The following CYP4X1 variants were observed in gnomAD, a reference collection of about 807,000 sequenced individuals.
The protein encoded by CYP4X1 is cytochrome P450 4X1.
CYP4X1 carries 44 observed loss-of-function variants against 57.9 expected under a neutral mutation model. That is an observed-to-expected ratio of 0.76 (90% confidence interval 0.60 to 0.98). CYP4X1 has a LOEUF of 0.98. CYP4X1 is among the 50% of genes least tolerant of loss of function. CYP4X1 has a pLI of 0.00. For synonymous variants in CYP4X1, 227 were observed against 228.6 expected (o/e 0.99, Z 0.06); for missense variants, 532 against 623.9 (o/e 0.85, Z 1.57).
the CYP4X1 span, among the ~76,000 whole-genome samples, chr1:46,993,414 G>A: frequency 1.3e-5 from 2 of 152,116 alleles, no homozygotes; most frequent in African/African-American, 4.8e-5. Context: ...TGTCTTTATA[G>A]CAGCATGATT....
At chr1:46,963,996 A>C in the CYP4X1 span, among the ~76,000 whole-genome samples, 8 of 152,014 alleles carry the variant, frequency 5.3e-5, no homozygotes, top group Non-Finnish European at 1.2e-4. Context: ...CATTCATTTG[A>C]TCTTCCATCA....
the CYP4X1 span, among the ~76,000 whole-genome samples, chr1:46,967,406 A>G: frequency 6.6e-6 from 1 of 152,244 alleles, no homozygotes; most frequent in East Asian, 1.9e-4. Context: ...GGAATAAGAA[A>G]GAAATGGGGG....
At chr1:46,969,199 G>C in the CYP4X1 span, among the ~76,000 whole-genome samples, 1 of 152,182 alleles carries the variant, frequency 6.6e-6, no homozygotes, top group Non-Finnish European at 1.5e-5. Flanking sequence ...CCGCTCTCTT[G>C]CTCCTGTTCC....
chr1:47,028,800 T>C (rs1442761519), intron 1 of CYP4X1, among the ~76,000 whole-genome samples: 3 of 152,218 alleles, frequency 2.0e-5, no homozygotes, highest in African/African-American at 7.2e-5. Context: ...TACCACCTGG[T>C]ACGTGTGATA....
chr1:46,998,007 G>A, the CYP4X1 span, among the ~76,000 whole-genome samples: 2 of 151,454 alleles, frequency 1.3e-5, no homozygotes, highest in African/African-American at 4.8e-5. Context: ...TTTTGAGAAG[G>A]GTCTGTTCAT....
At chr1:46,972,100 G>C in the CYP4X1 span, among the ~76,000 whole-genome samples, 1 of 152,134 alleles carries the variant, frequency 6.6e-6, no homozygotes, top group Non-Finnish European at 1.5e-5. Flanking sequence ...AATCCACCTT[G>C]AGTTGAGTTT....
the CYP4X1 span, among the ~76,000 whole-genome samples, chr1:47,007,944 T>C: frequency 6.6e-6 from 1 of 152,348 alleles, no homozygotes; most frequent in East Asian, 1.9e-4. Context: ...AATCTATGTA[T>C]GATTGGTGTA....
upstream of CYP4X1, chr1:47,023,640 C>A (rs1644022769): frequency 5.2e-6 from 7 of 1,336,880 alleles, no homozygotes; most frequent in Non-Finnish European, 6.7e-6. Flanking sequence ...GCGCCTGCCT[C>A]CTCTCCCCAG....
chr1:47,041,111 G>A (rs925288883), intron 8 of CYP4X1, among the ~76,000 whole-genome samples: 5 of 152,086 alleles, frequency 3.3e-5, no homozygotes, highest in Non-Finnish European at 4.4e-5. Context: ...TGTCATAAAT[G>A]ACAAGATATT....
chr1:46,970,825 A>G, the CYP4X1 span, among the ~76,000 whole-genome samples: 3 of 152,216 alleles, frequency 2.0e-5, no homozygotes, highest in Non-Finnish European at 4.4e-5. Flanking sequence ...TATTACTTAC[A>G]GTTTTCCTAA....
chr1:47,026,232 A>C (rs1194196493), intron 1 of CYP4X1, among the ~76,000 whole-genome samples: 1 of 152,202 alleles, frequency 6.6e-6, no homozygotes, highest in Non-Finnish European at 1.5e-5. Flanking sequence ...AAAGAGTGTA[A>C]TAGGATTGTT....
At chr1:46,963,137 C>T in the CYP4X1 span, among the ~76,000 whole-genome samples, 3 of 152,168 alleles carry the variant, frequency 2.0e-5, no homozygotes, top group Admixed American at 2.0e-4. Context: ...TATTTTGAGC[C>T]TATGTGTGTC....
the CYP4X1 span, among the ~76,000 whole-genome samples, chr1:47,011,807 G>A: frequency 7.2e-5 from 11 of 152,138 alleles, no homozygotes; most frequent in Admixed American, 6.5e-5. Context: ...CACATGAAAA[G>A]ATGCTCATCA....
chr1:46,999,791 G>A, the CYP4X1 span, among the ~76,000 whole-genome samples: 1 of 151,398 alleles, frequency 6.6e-6, no homozygotes. Context: ...TATAGGAAAG[G>A]GTCCATCTTC....
chr1:47,017,794 G>C, the CYP4X1 span, among the ~76,000 whole-genome samples: 2 of 152,132 alleles, frequency 1.3e-5, no homozygotes, highest in African/African-American at 4.8e-5. Flanking sequence ...CCTTTCCAGA[G>C]TGAACCAATG....
the CYP4X1 span, among the ~76,000 whole-genome samples, chr1:46,996,312 A>G: frequency 6.6e-6 from 1 of 152,176 alleles, no homozygotes; most frequent in Non-Finnish European, 1.5e-5. Context: ...AAAGGAGATA[A>G]TGATTAGGTT....
downstream of CYP4X1, among the ~76,000 whole-genome samples, chr1:47,051,265 A>G (rs1393610892): frequency 6.6e-6 from 1 of 151,934 alleles, no homozygotes; most frequent in East Asian, 1.9e-4. Flanking sequence ...AAATAGGAAG[A>G]CTTTTACACT....
chr1:47,049,651 C>A, intron 11 of CYP4X1, 147 bp downstream of exon 11: 1 of 770,764 alleles, frequency 1.3e-6, no homozygotes, highest in Non-Finnish European at 2.1e-6. Context: ...GTTAGTTTTA[C>A]AAAGGACAAT....
chr1:46,970,192 A>G, the CYP4X1 span, among the ~76,000 whole-genome samples: 1 of 152,212 alleles, frequency 6.6e-6, no homozygotes, highest in South Asian at 2.1e-4. Flanking sequence ...AAACACCTGA[A>G]GTTGAATTTA....
Sources: allele counts gnomAD v4.1 joint callset (sites outside exome capture counted in the v4.1 genomes callset), GRCh38; gene constraint gnomAD v4.1.1; transcripts MANE v1.5; gene names NCBI Gene and HGNC (gene_info 2026-07-23, HGNC 2026-07-21).